Variants in NSFL1C observed in about 807,000 individuals in gnomAD.
NSFL1C encodes NSFL1 cofactor.
Under a neutral mutation model 43.1 loss-of-function variants are expected in NSFL1C, and 14 were observed. That is an observed-to-expected ratio of 0.32 (90% CI 0.21 to 0.51). The LOEUF (loss-of-function observed/expected upper bound fraction) is 0.51, where lower values mean the gene tolerates loss of function less well. Among genes scored for constraint, NSFL1C ranks in the 20% least tolerant of loss-of-function variants. The pLI is 0.98. For missense variants in NSFL1C, 406 were observed against 472.5 expected, an observed-to-expected ratio of 0.86 and a Z score of 1.30; for synonymous variants, 171 against 183.5, an observed-to-expected ratio of 0.93 and a Z score of 0.55.
intron 7 of NSFL1C, among the ~76,000 whole-genome samples, chr20:1,448,366 T>C (rs1184221941): frequency 6.6e-6 from 1 of 152,180 alleles, no homozygotes; most frequent in African/African-American, 2.4e-5. Context: ...TGTCTTTGTG[T>C]GTAAAATGAG....
At chr20:1,448,782 T>C (rs1400431785) in intron 7 of NSFL1C, among the ~76,000 whole-genome samples, 1 of 152,202 alleles carries the variant, frequency 6.6e-6, no homozygotes, top group Non-Finnish European at 1.5e-5. Flanking sequence ...GTGAAGCAAC[T>C]TGCCCAAAAT....
chr20:1,445,803 G>T lies in NSFL1C; in HGVS notation c.813C>A (p.Ser271Arg). 1 of 1,614,052 alleles carries T rather than the reference G, an allele frequency of 6.2e-7. No individual in the cohort carries two copies. The highest frequency in any genetic ancestry group is 8.5e-7 in the Non-Finnish European group (1 of 1,180,012). Residue 271 changes from serine (S) to arginine (R), a missense_variant, in exon 8 of 9, where the codon AGC (serine) becomes AGA (arginine). By Grantham distance (110) the Ser-to-Arg change is moderately radical (BLOSUM62 -1). Transcript: ENST00000216879. The stretch of plus-strand genomic sequence containing the variant: ...CATTTTCTGCCTGTTGGGCTGGAGA[G>T]CTGGTACTCAACACCTGGGGGGCAG... ...GSTAPQVLSTSSPAQQAENEA... is the reference protein window; with the variant it reads ...GSTAPQVLSTRSPAQQAENEA...
intron 7 of NSFL1C, among the ~76,000 whole-genome samples, chr20:1,451,753 C>T (rs2090184993): frequency 1.3e-5 from 2 of 152,162 alleles, no homozygotes; most frequent in African/African-American, 2.4e-5. Flanking sequence ...TGAGGGATAC[C>T]AGTGACTATT....
At chr20:1,460,405 T>C (rs766050663) in intron 2 of NSFL1C, among the ~76,000 whole-genome samples, 3 of 152,192 alleles carry the variant, frequency 2.0e-5, no homozygotes, top group Admixed American at 6.5e-5. Context: ...TTCCGACATA[T>C]ATTCAAGTTC....
At position 1,464,321 on chromosome 20, in the gene NSFL1C, G is replaced by A. The variant is rs1439608865; in HGVS notation, c.203+8C>T. On this transcript the variant is annotated splice_region_variant and intron_variant, in intron 2 of 8. Transcript: ENST00000216879. ...ACTCATGTAGCGATAATTGAAGCTGGCCCTTACCTGGGGGCTGTGCCTCTG... is the reference window on the plus strand; with the variant it reads ...ACTCATGTAGCGATAATTGAAGCTGACCCTTACCTGGGGGCTGTGCCTCTG... 2 of 1,612,226 alleles carry A rather than the reference G, an allele frequency of 1.2e-6. No homozygotes were observed. The highest frequency in any genetic ancestry group is 1.7e-6 in the Non-Finnish European group (2 of 1,178,372).
chr20:1,459,877 G>A (rs1430637575), intron 2 of NSFL1C, among the ~76,000 whole-genome samples: 3 of 152,170 alleles, frequency 2.0e-5, no homozygotes, highest in Admixed American at 6.5e-5. Context: ...AGGCTAGGAT[G>A]AGCATCTATG....
In NSFL1C at chr20:1,452,621, T is replaced by C. The variant is rs376736504; in HGVS notation, c.657A>G (p.Pro219=). 2.1e-4 allele frequency: 347 copies of C among 1,614,110 alleles called. 7 individuals carry two copies. The South Asian group carries it at 3.5e-3, about 16-fold the overall frequency. Residue 219 remains proline (P), a synonymous_variant, in exon 7 of 9, where the codon CCA becomes CCG. Transcript: ENST00000216879. ...CGTGAGCTAGCCTCCGAAGCTCTGC[T>C]GGCACCTCCCTGTGGAAGAAAAGGC... ...FLESIRRGEV[P]AELRRLAHGG... is the part of the protein sequence containing the mutation.
At position 1,466,757 on chromosome 20, in the gene NSFL1C, G is replaced by A. The variant is rs2090522907; in HGVS notation, c.68C>T (p.Ala23Val). ...VAVTGAEEDRARFFLESAGWD... is the reference protein window; with the variant it reads ...VAVTGAEEDRVRFFLESAGWD... ...GCCGGCCGACTCGAGAAAGAAGCGG[G>A]CCCGGTCCTCCTCGGCGCCCGTCAC... Residue 23 changes from alanine to valine, a missense_variant, in exon 1 of 9, where the codon GCC becomes GTC. Around this residue, in one of 3 missense-constraint regions of NSFL1C, gnomAD observed 203 missense variants for 216.3 expected, o/e 0.94. Coordinates refer to ENST00000216879, the MANE Select transcript of NSFL1C (RefSeq NM_016143.5). The A allele has an allele frequency of 6.4e-7, 1 of 1,563,866 alleles. No homozygotes were observed. Among genetic ancestry groups the A allele is most frequent in the Non-Finnish European group, 8.6e-7 (1 of 1,157,376 alleles).
intron 4 of NSFL1C, 125 bp downstream of exon 4, chr20:1,454,842 G>T: frequency 9.8e-7 from 1 of 1,022,276 alleles, no homozygotes; most frequent in Non-Finnish European, 1.5e-6. Context: ...CTCGTGTTCC[G>T]CACAGAAGAC....
intron 1 of NSFL1C, among the ~76,000 whole-genome samples, chr20:1,466,401 GATAC>G: frequency 1.3e-5 from 2 of 152,358 alleles, no homozygotes; most frequent in South Asian, 4.1e-4. Context: ...GCCTCCAGCA[GATAC>G]TCGGCGCGGC....
Position 1,464,421 on chromosome 20 carries a change from C to T in NSFL1C, c.111G>A (p.Ala37=), listed in dbSNP as rs775040874. 16 of 1,614,076 alleles carry T rather than the reference C, an allele frequency of 9.9e-6. No individual in the cohort carries two copies. Among genetic ancestry groups the T allele is most frequent in the African/African-American group, 2.7e-5 (2 of 74,940 alleles). ...LESAGWDLQI[A]LASFYEDGGD... ...CTCCGTCCTCATAAAAGCTCGCTAGCGCGATCTGAAACAGAGAGGTAGTAC... is the reference window on the plus strand; with the variant it reads ...CTCCGTCCTCATAAAAGCTCGCTAGTGCGATCTGAAACAGAGAGGTAGTAC... The change falls in exon 2 of 9, where the codon GCG becomes GCA. Residue 37 remains alanine (A), a synonymous_variant. Coordinates refer to ENST00000216879, the MANE Select transcript of NSFL1C (RefSeq NM_016143.5).
chr20:1,452,890 C>A (rs551040209), intron 6 of NSFL1C, 141 bp downstream of exon 6: 4 of 714,946 alleles, frequency 5.6e-6, no homozygotes, highest in Non-Finnish European at 9.8e-6. Context: ...GTTTTTGGAG[C>A]AGATCTATGA....
chr20:1,457,639 T>C (rs1400057109), intron 3 of NSFL1C, among the ~76,000 whole-genome samples: 13 of 152,226 alleles, frequency 8.5e-5, no homozygotes, highest in Admixed American at 8.5e-4. Context: ...CTGTCGATTG[T>C]TCTAGATTGG....
rs2090472559 is a variant in NSFL1C at position 1,464,535 on chromosome 20, T to C, written c.106-109A>G. 3.5e-6 allele frequency: 3 copies of C among 849,686 alleles called. No individual in the cohort carries two copies. In the African/African-American group the frequency reaches 5.1e-5, roughly 14 times the overall value. The allele number at this position is 849,686 out of a possible 1,614,324, so 52.6% of individuals were successfully genotyped here. A position where few individuals can be genotyped will look rare whatever the true frequency, so the allele number is the denominator to read the frequency against. On this transcript the variant is annotated intron_variant, in intron 1 of 8. Coordinates refer to ENST00000216879, the MANE Select transcript of NSFL1C (RefSeq NM_016143.5). ...CATGGCCAACACTTACAAGGTAGCT[T>C]GCATCCATGGGCCAAAGAAAATTAG... is the stretch of plus-strand genomic sequence containing the variant.
chr20:1,463,926 G>T (rs911401777), intron 2 of NSFL1C: 2 of 172,674 alleles, frequency 1.2e-5, no homozygotes, highest in African/African-American at 4.7e-5. Flanking sequence ...TTTTGTACAA[G>T]ACTTCTTAAT....
chr20:1,465,985 C>G (rs1599982186), intron 1 of NSFL1C, among the ~76,000 whole-genome samples: 1 of 152,238 alleles, frequency 6.6e-6, no homozygotes, highest in East Asian at 1.9e-4. Flanking sequence ...TCACCGTCAT[C>G]ATCTACCTAA....
intron 3 of NSFL1C, chr20:1,456,812 C>G (rs2090311211): frequency 6.6e-6 from 1 of 152,082 alleles, no homozygotes. Flanking sequence ...CAAAAATGTT[C>G]ATAGCACTGA....
intron 3 of NSFL1C, chr20:1,456,053 A>G (rs1382015316): frequency 1.6e-5 from 5 of 314,992 alleles, no homozygotes; most frequent in Non-Finnish European, 1.2e-5. Flanking sequence ...ACTCCTATTC[A>G]GAGCTAAGTC....
At chr20:1,466,324 T>C (rs1455368278) in intron 1 of NSFL1C, among the ~76,000 whole-genome samples, 1 of 152,088 alleles carries the variant, frequency 6.6e-6, no homozygotes, top group Non-Finnish European at 1.5e-5. Context: ...ACTTCGGAAG[T>C]GGAAATGAGC....
Sources: gnomAD v4.1 joint callset for allele counts (sites outside exome capture counted in the v4.1 genomes callset) on GRCh38, gnomAD v4.1.1 for gene constraint, gnomAD v4.1.1 regional missense constraint, MANE v1.5 for transcripts, NCBI Gene and HGNC (gene_info 2026-07-23, HGNC 2026-07-21) for gene names.